The following KIDINS220 variants were observed in gnomAD, a reference collection of about 807,000 sequenced individuals.
KIDINS220 encodes the protein kinase D-interacting substrate of 220 kDa.
A neutral mutation model predicts 157.6 loss-of-function variants in KIDINS220; 63 were observed. That is an observed-to-expected ratio of 0.40 (90% CI 0.33 to 0.49). The LOEUF is 0.49. Ranked by LOEUF, KIDINS220 falls within the 20% of genes least tolerant of loss-of-function variation. The pLI is 0.66. For synonymous variants in KIDINS220, 732 were observed against 783.6 expected (o/e 0.93, Z 1.10); for missense variants, 1,772 against 2,171.2 (o/e 0.82, Z 3.65).
At chr2:8,789,806 G>A in intron 14 of KIDINS220, 74 bp downstream of exon 14, 2 of 1,152,894 alleles carry the variant, frequency 1.7e-6, no homozygotes, top group Non-Finnish European at 2.5e-6. Context: ...GACAGATAAA[G>A]AAAATGTTTT....
chr2:8,832,883 CT>C (rs553390214), intron 1 of KIDINS220, among the ~76,000 whole-genome samples: 41 of 148,344 alleles, frequency 2.8e-4, no homozygotes, highest in South Asian at 8.6e-4. Flanking sequence ...AGGCTAGTTT[CT>C]TTTTTTTTTC....
At chr2:8,806,410 T>A in intron 6 of KIDINS220, 41 bp from the exon 7 acceptor site, 1 of 1,311,604 alleles carries the variant, frequency 7.6e-7, no homozygotes, top group Non-Finnish European at 1.1e-6. Context: ...TTATAAAAAG[T>A]ATACTCAAAG....
chr2:8,757,623 A>AC, intron 22 of KIDINS220: 3 of 1,606,176 alleles, frequency 1.9e-6, no homozygotes, highest in Non-Finnish European at 2.6e-6. Flanking sequence ...GAGGCAGATA[A>AC]CCCAAGTGAA....
At chr2:8,833,578 G>A (rs1438055085) in intron 1 of KIDINS220, among the ~76,000 whole-genome samples, 1 of 148,868 alleles carries the variant, frequency 6.7e-6, no homozygotes, top group African/African-American at 2.5e-5. Flanking sequence ...TAAAAGGAAT[G>A]AATTATTTTC....
At position 8,806,375 on chromosome 2, in the gene KIDINS220, A is replaced by G; in HGVS notation, c.505-6T>C. On this transcript the variant is annotated splice_polypyrimidine_tract_variant and splice_region_variant and intron_variant, in intron 6 of 29. Coordinates refer to ENST00000256707, the MANE Select transcript of KIDINS220 (RefSeq NM_020738.4). The stretch of plus-strand genomic sequence containing the variant: ...ACTAAAGGGGTGGTTCCATACTATT[A>G]AAACAAACAATAAATTTAAAATTAT... The G allele has an allele frequency of 6.5e-7, 1 of 1,530,598 alleles. No individual in the cohort carries two copies. Among genetic ancestry groups the G allele is most frequent in the Non-Finnish European group, 8.9e-7 (1 of 1,129,676 alleles). 94.8% of individuals were successfully genotyped at this position (1,530,598 alleles called of 1,614,324 possible). A position where few individuals can be genotyped will look rare whatever the true frequency, so the allele number is the denominator to read the frequency against.
At chr2:8,806,667 G>C (rs1046766908) in intron 6 of KIDINS220, among the ~76,000 whole-genome samples, 8 of 152,114 alleles carry the variant, frequency 5.3e-5, no homozygotes, top group Admixed American at 2.0e-4. Flanking sequence ...TGCAATCTCT[G>C]CCTCCCGGCT....
At position 8,810,932 on chromosome 2, in the gene KIDINS220, GCTC is replaced by G. The variant is rs1169557889; in HGVS notation, c.504+1460_504+1462del. ...TAAATATTTACAACAGCCTCCCTAC[GCTC>G]CTCATTAAGCTATTATTTTGTGTAA... On this transcript the variant is annotated intron_variant, in intron 6 of 29. Coordinates refer to ENST00000256707, the MANE Select transcript of KIDINS220 (RefSeq NM_020738.4). Among the ~76,000 whole-genome samples, 9 of 152,152 alleles carry G rather than the reference GCTC, an allele frequency of 5.9e-5. No homozygotes were observed. The East Asian group carries it at 7.7e-4, about 13-fold the overall frequency.
At chr2:8,837,133 G>A (rs1021363657) in intron 1 of KIDINS220, among the ~76,000 whole-genome samples, 8 of 152,148 alleles carry the variant, frequency 5.3e-5, no homozygotes, top group Admixed American at 1.3e-4. Context: ...TCAAGGTGGT[G>A]GATGTGCCAG....
chr2:8,783,016 G>A (rs1226090160), intron 17 of KIDINS220, among the ~76,000 whole-genome samples: 1 of 151,948 alleles, frequency 6.6e-6, no homozygotes, highest in Non-Finnish European at 1.5e-5. Flanking sequence ...TGATCAACAC[G>A]GTGAAACTCC....
chr2:8,763,221 C>T (rs927885170), intron 22 of KIDINS220, among the ~76,000 whole-genome samples: 1 of 152,190 alleles, frequency 6.6e-6, no homozygotes, highest in African/African-American at 2.4e-5. Flanking sequence ...CTTGGGGAAG[C>T]GCAGTTACAG....
chr2:8,757,605 A>T (rs1364492663), intron 22 of KIDINS220: 28 of 1,586,882 alleles, frequency 1.8e-5, no homozygotes, highest in Non-Finnish European at 2.3e-5. Flanking sequence ...TGCCATTTTC[A>T]GTCCTTCGAG....
At chr2:8,791,523 T>A (rs958734378) in intron 12 of KIDINS220, among the ~76,000 whole-genome samples, 1 of 152,208 alleles carries the variant, frequency 6.6e-6, no homozygotes. Context: ...TTTTTATGTA[T>A]AACTAAGAAA....
In KIDINS220 at chr2:8,806,358, G is replaced by C; in HGVS notation, c.516C>G (p.Thr172=). The part of the protein sequence containing the change: ...KVNCSDKYGT[T]PLVWAARKGH... Reference sequence around the variant, plus strand: ...CCTTTCGTGCAGCCCAAACTAAAGGGGTGGTTCCATACTATTAAAACAAAC... The same window carrying C: ...CCTTTCGTGCAGCCCAAACTAAAGGCGTGGTTCCATACTATTAAAACAAAC... The change falls in exon 7 of 30, where the codon ACC becomes ACG. Residue 172 remains threonine, a synonymous_variant. Coordinates refer to ENST00000256707, the MANE Select transcript of KIDINS220 (RefSeq NM_020738.4). 6.2e-7 allele frequency: 1 copy of C among 1,604,260 alleles called. No individual in the cohort carries two copies. Among genetic ancestry groups the C allele is most frequent in the Non-Finnish European group, 8.5e-7 (1 of 1,174,800 alleles).
intron 26 of KIDINS220, among the ~76,000 whole-genome samples, chr2:8,738,750 T>C (rs1170878178): frequency 2.0e-5 from 3 of 152,214 alleles, no homozygotes; most frequent in Admixed American, 2.0e-4. Context: ...TGCAACTGAA[T>C]TGAATCCTGG....
downstream of KIDINS220, chr2:8,722,115 C>A (rs967068672): frequency 6.6e-6 from 1 of 152,146 alleles, no homozygotes; most frequent in Non-Finnish European, 1.5e-5. Context: ...ATATTAAAAT[C>A]TCTTTCATTA....
intron 1 of KIDINS220, among the ~76,000 whole-genome samples, chr2:8,831,691 T>C (rs554016812): frequency 6.6e-6 from 1 of 152,356 alleles, no homozygotes; most frequent in African/African-American, 2.4e-5. Flanking sequence ...CAGCAGGATC[T>C]GCTTTATATC....
At chr2:8,736,504 A>C (rs765466675) in intron 27 of KIDINS220, among the ~76,000 whole-genome samples, 3 of 152,252 alleles carry the variant, frequency 2.0e-5, no homozygotes, top group Non-Finnish European at 4.4e-5. Context: ...AAATATTACA[A>C]TTAGAAAAAA....
intron 22 of KIDINS220, among the ~76,000 whole-genome samples, chr2:8,767,534 C>T (rs1373962004): frequency 6.6e-6 from 1 of 152,130 alleles, no homozygotes. Flanking sequence ...TTCATGCTAT[C>T]CACATTCATA....
chr2:8,795,490 A>C (rs1673789996), intron 11 of KIDINS220, among the ~76,000 whole-genome samples: 1 of 152,230 alleles, frequency 6.6e-6, no homozygotes, highest in Admixed American at 6.5e-5. Context: ...CACTTTTAAA[A>C]TTGTTTTTAT....
Sources: allele counts gnomAD v4.1 joint callset (sites outside exome capture counted in the v4.1 genomes callset), GRCh38; gene constraint gnomAD v4.1.1; transcripts MANE v1.5; gene names NCBI Gene and HGNC (gene_info 2026-07-23, HGNC 2026-07-21).